Variants in ATP10A observed in about 807,000 individuals in gnomAD.
ATP10A encodes ATPase phospholipid transporting 10A (putative).
In ATP10A, 111 loss-of-function variants were observed where a neutral mutation model predicts 147.8. The observed-to-expected ratio is 0.75, with a 90% CI of 0.64 to 0.88. The LOEUF (loss-of-function observed/expected upper bound fraction) is 0.88. Ranked by LOEUF, ATP10A falls within the 40% of genes least tolerant of loss-of-function variation. ATP10A has a pLI of 0.00. For synonymous variants in ATP10A, 875 were observed against 841.6 expected (o/e 1.04, Z -0.69); for missense variants, 1,927 against 1,959.0 (o/e 0.98, Z 0.31).
At chr15:25,833,111 T>C (rs1892433873) in intron 1 of ATP10A, among the ~76,000 whole-genome samples, 1 of 151,432 alleles carries the variant, frequency 6.6e-6, no homozygotes, top group Non-Finnish European at 1.5e-5. Flanking sequence ...GCCTCCCAAG[T>C]AGCTGGGATT....
In ATP10A at chr15:25,695,046, A is replaced by G. The variant is rs1477149362; in HGVS notation, c.2861T>C (p.Phe954Ser). 6.2e-7 allele frequency: 1 copy of G among 1,614,064 alleles called. No homozygotes were observed. The highest frequency in any genetic ancestry group is 1.1e-5 in the South Asian group (1 of 91,080). ...EKTKGKVSMR[F>S]SSLCPPSTST... ...CGTGGAGGGTGGGCAGAGAGAGGAG[A>G]ACCTCATGCTCACTTTGCCCTTGGT... Residue 954 changes from phenylalanine to serine, a missense_variant, in exon 14 of 21, where the codon TTC becomes TCC. Phe to Ser is a radical substitution (Grantham distance 155, BLOSUM62 -2). Transcript: ENST00000555815.
At chr15:25,744,238 A>C (rs1295080703) in intron 2 of ATP10A, among the ~76,000 whole-genome samples, 1 of 152,084 alleles carries the variant, frequency 6.6e-6, no homozygotes, top group African/African-American at 2.4e-5. Flanking sequence ...GGCCCAGAAA[A>C]ATCTCAATGT....
intron 10 of ATP10A, chr15:25,709,922 G>C (rs936065177): frequency 6.6e-6 from 1 of 152,370 alleles, no homozygotes; most frequent in South Asian, 2.1e-4. Context: ...TGGGGGGTAG[G>C]AGAGGATGGG....
chr15:25,862,276 A>G, intron 1 of ATP10A: 2 of 491,464 alleles, frequency 4.1e-6, no homozygotes, highest in Non-Finnish European at 8.0e-6. Context: ...AGACTGAGGC[A>G]GGGACTTCAG....
At position 25,733,089 on chromosome 15, in the gene ATP10A, A is replaced by G. The variant is rs76891858; in HGVS notation, c.740+2967T>C. On this transcript the variant is annotated intron_variant, in intron 3 of 20. Coordinates refer to ENST00000555815, the MANE Select transcript of ATP10A (RefSeq NM_024490.4). ...TCAGTTCTGTTCTCCAAGTGCAAAC[A>G]GTTAATGTTTCAAGTTTGGAATGGC... 7.8e-3 allele frequency among the ~76,000 whole-genome samples: 1,182 copies of G among 152,280 alleles called. 13 individuals are homozygous for G. The highest frequency in any genetic ancestry group is 0.027 in the African/African-American group (1,124 of 41,552).
intron 1 of ATP10A, among the ~76,000 whole-genome samples, chr15:25,845,322 T>TTG (rs746244130): frequency 0.04 from 5,645 of 141,644 alleles, 183 homozygotes; most frequent in East Asian, 0.18. Context: ...GTTTGTGTGT[T>TTG]TGTGTGTGTG....
intron 4 of ATP10A, among the ~76,000 whole-genome samples, chr15:25,726,331 C>T (rs553404123): frequency 3.1e-4 from 47 of 152,134 alleles, no homozygotes; most frequent in Admixed American, 4.6e-4. Context: ...AATACACTAC[C>T]GTGCCAAGAA....
chr15:25,787,627 A>G (rs1567384531), intron 1 of ATP10A, among the ~76,000 whole-genome samples: 2 of 151,592 alleles, frequency 1.3e-5, no homozygotes, highest in African/African-American at 4.8e-5. Context: ...AAAAAAAAAA[A>G]AAAGAAGAAA....
At chr15:25,822,407 G>T (rs1891929896) in intron 1 of ATP10A, among the ~76,000 whole-genome samples, 1 of 152,180 alleles carries the variant, frequency 6.6e-6, no homozygotes, top group Non-Finnish European at 1.5e-5. Flanking sequence ...TTTGGGACAG[G>T]TGTGAATTTT....
At chr15:25,773,240 C>T (rs914687652) in intron 2 of ATP10A, among the ~76,000 whole-genome samples, 6 of 152,170 alleles carry the variant, frequency 3.9e-5, no homozygotes, top group African/African-American at 1.4e-4. Flanking sequence ...AACCAAAATA[C>T]AGCCTTCCAC....
chr15:25,718,718 C>T (rs1471590880), intron 7 of ATP10A, among the ~76,000 whole-genome samples: 2 of 152,054 alleles, frequency 1.3e-5, no homozygotes, highest in Non-Finnish European at 2.9e-5. Flanking sequence ...CCTAGGTGTA[C>T]ATGGGGTAGG....
rs556563664 is a variant in ATP10A, at chr15:25,696,937, C to T, written c.2761-1791G>A. ...AGCTAGACCCTCCTTTCCAACAGAG[C>T]CTGTGGTGCTCTGTCTTCTATTCTG... is the stretch of plus-strand genomic sequence containing the variant. On this transcript the variant is annotated intron_variant, in intron 13 of 20. Coordinates refer to ENST00000555815, the MANE Select transcript of ATP10A (RefSeq NM_024490.4). 1.7e-3 allele frequency among the ~76,000 whole-genome samples: 255 copies of T among 152,324 alleles called. 2 individuals are homozygous for T. Among genetic ancestry groups the T allele is most frequent in the Non-Finnish European group, 2.2e-3 (153 of 68,030 alleles).
chr15:25,679,893 C>G lies in ATP10A; in HGVS notation c.3948G>C (p.Arg1316Ser). ...AGGTCTCTTTGGGAGCACTGCATCT[C>G]CTGGGGGACTTCCTGGTCAACTGAC... Reference protein sequence around the residue: ...LARQLTRKSPRRCSAPKETFA... With the variant: ...LARQLTRKSPSRCSAPKETFA... Residue 1316 changes from arginine to serine, a missense_variant, in exon 21 of 21, where the codon AGG (arginine) becomes AGC (serine). Arg to Ser is a moderately radical substitution (Grantham distance 110). Coordinates refer to ENST00000555815, the MANE Select transcript of ATP10A (RefSeq NM_024490.4). 1 of 1,610,492 alleles carries G rather than the reference C, an allele frequency of 6.2e-7. No individual in the cohort carries two copies. The highest frequency in any genetic ancestry group is 1.3e-5 in the African/African-American group (1 of 75,032).
At chr15:25,778,783 C>T (rs923633727) in intron 2 of ATP10A, among the ~76,000 whole-genome samples, 2 of 152,238 alleles carry the variant, frequency 1.3e-5, no homozygotes, top group Admixed American at 6.5e-5. Flanking sequence ...CTATGAAGTG[C>T]TGCAGTTATT....
intron 3 of ATP10A, among the ~76,000 whole-genome samples, chr15:25,729,183 T>G (rs1486935954): frequency 6.6e-6 from 1 of 152,200 alleles, no homozygotes; most frequent in Non-Finnish European, 1.5e-5. Flanking sequence ...AAAGAGATCC[T>G]TAAGTTAAAA....
intron 1 of ATP10A, chr15:25,841,524 A>T (rs753818835): frequency 6.6e-6 from 1 of 151,260 alleles, no homozygotes; most frequent in Non-Finnish European, 1.5e-5. Flanking sequence ...CTTTTTGAGA[A>T]ATCTTGTGGA....
chr15:25,846,239 G>A (rs1479448825), intron 1 of ATP10A, among the ~76,000 whole-genome samples: 2 of 152,146 alleles, frequency 1.3e-5, no homozygotes, highest in East Asian at 3.9e-4. Context: ...CGGCGGTGAT[G>A]CTCACAACAA....
chr15:25,800,143 C>T (rs544327455), intron 1 of ATP10A, among the ~76,000 whole-genome samples: 2 of 152,260 alleles, frequency 1.3e-5, no homozygotes, highest in East Asian at 1.9e-4. Flanking sequence ...TCAGGATGAA[C>T]GCTATTTTAA....
chr15:25,856,559 A>G (rs186780889), intron 1 of ATP10A, among the ~76,000 whole-genome samples: 1 of 152,364 alleles, frequency 6.6e-6, no homozygotes, highest in Non-Finnish European at 1.5e-5. Context: ...CTGGGAAACC[A>G]GGGAGTAGAT....
Sources: allele counts gnomAD v4.1 joint callset (sites outside exome capture counted in the v4.1 genomes callset), GRCh38; gene constraint gnomAD v4.1.1; transcripts MANE v1.5; gene names NCBI Gene and HGNC (gene_info 2026-07-23, HGNC 2026-07-21).